The following TNFSF4 variants were observed in gnomAD, a reference collection of about 807,000 sequenced individuals.
The protein encoded by TNFSF4 is TNF superfamily member 4.
TNFSF4 carries 4 observed loss-of-function variants against 7.3 expected under a neutral mutation model. The ratio of observed to expected loss-of-function variants is 0.55; its 90% CI spans 0.27 to 1.25. The LOEUF is 1.25. TNFSF4 is among the 50% of genes most tolerant of loss of function. The probability of loss-of-function intolerance (pLI) is 0.12; values close to 1 mark genes in which losing one functional copy is unlikely to be tolerated. For missense variants in TNFSF4, 181 were observed against 208.8 expected (o/e 0.87, Z 0.82); for synonymous variants, 76 against 83.7 (o/e 0.91, Z 0.50).
At chr1:173,188,637 T>G (rs1649339793) in intron 1 of TNFSF4, 68 bp from the exon 2 acceptor site, 1 of 1,342,308 alleles carries the variant, frequency 7.4e-7, no homozygotes, top group Non-Finnish European at 1.1e-6. Flanking sequence ...AAGTCATATT[T>G]AATGGAACAG....
intron 1 of TNFSF4, among the ~76,000 whole-genome samples, chr1:173,199,100 C>T (rs568276902): frequency 1.3e-5 from 2 of 152,276 alleles, no homozygotes; most frequent in South Asian, 4.1e-4. Flanking sequence ...CTTTGGTTAT[C>T]CAGTGCTTAT....
chr1:173,401,955 T>C, the TNFSF4 span, among the ~76,000 whole-genome samples: 1 of 152,192 alleles, frequency 6.6e-6, no homozygotes. Context: ...ATGTGGCCAG[T>C]GTAAAGTTTG....
the TNFSF4 span, among the ~76,000 whole-genome samples, chr1:173,351,142 CCTAT>C: frequency 9.2e-5 from 14 of 152,322 alleles, no homozygotes; most frequent in South Asian, 2.1e-3. Flanking sequence ...TCCAGCCTCA[CCTAT>C]CTCTCTCCTC....
the TNFSF4 span, among the ~76,000 whole-genome samples, chr1:173,255,171 A>G: frequency 6.6e-6 from 1 of 152,208 alleles, no homozygotes; most frequent in South Asian, 2.1e-4. Flanking sequence ...GCTTGTAACA[A>G]GGGTCAAAAA....
chr1:173,242,617 C>G, the TNFSF4 span, among the ~76,000 whole-genome samples: 1 of 152,056 alleles, frequency 6.6e-6, no homozygotes, highest in Admixed American at 6.6e-5. Context: ...GGGGATTATC[C>G]AGGTGGACCC....
the TNFSF4 span, among the ~76,000 whole-genome samples, chr1:173,223,331 T>C: frequency 6.6e-6 from 1 of 152,332 alleles, no homozygotes; most frequent in Non-Finnish European, 1.5e-5. Flanking sequence ...GGTTTCTTTC[T>C]GGTAGCAATG....
the TNFSF4 span, among the ~76,000 whole-genome samples, chr1:173,424,534 T>C: frequency 6.6e-6 from 1 of 152,188 alleles, no homozygotes; most frequent in African/African-American, 2.4e-5. Flanking sequence ...AGAGAAACTG[T>C]CTGTTCCCTT....
intron 1 of TNFSF4, among the ~76,000 whole-genome samples, chr1:173,202,694 C>G (rs1649996049): frequency 6.6e-6 from 1 of 152,136 alleles, no homozygotes. Flanking sequence ...GAAGCGTGTT[C>G]CTTTAGCATG....
chr1:173,230,947 T>A, the TNFSF4 span, among the ~76,000 whole-genome samples: 1 of 152,198 alleles, frequency 6.6e-6, no homozygotes, highest in African/African-American at 2.4e-5. Flanking sequence ...ATTGAGGCAA[T>A]AATCAATAGC....
At chr1:173,291,422 G>C in the TNFSF4 span, among the ~76,000 whole-genome samples, 2 of 152,058 alleles carry the variant, frequency 1.3e-5, no homozygotes, top group African/African-American at 4.8e-5. Flanking sequence ...ACTCTATCAG[G>C]CAGAAATCAA....
the TNFSF4 span, among the ~76,000 whole-genome samples, chr1:173,311,353 TAA>T: frequency 6.6e-6 from 1 of 152,068 alleles, no homozygotes; most frequent in Non-Finnish European, 1.5e-5. Context: ...TGGGATTTGC[TAA>T]TAAGTTAAGA....
chr1:173,229,951 C>T, the TNFSF4 span, among the ~76,000 whole-genome samples: 7 of 152,034 alleles, frequency 4.6e-5, no homozygotes, highest in South Asian at 2.1e-4. Flanking sequence ...TAGAGACCTA[C>T]AAAGAGACTT....
At chr1:173,240,902 G>T in the TNFSF4 span, among the ~76,000 whole-genome samples, 1 of 152,248 alleles carries the variant, frequency 6.6e-6, no homozygotes, top group East Asian at 1.9e-4. Flanking sequence ...ATTTTGAACA[G>T]CATTTCCTTG....
At chr1:173,327,943 T>C in the TNFSF4 span, among the ~76,000 whole-genome samples, 1 of 152,186 alleles carries the variant, frequency 6.6e-6, no homozygotes, top group Non-Finnish European at 1.5e-5. Flanking sequence ...GAAGTCAGTG[T>C]GGCGATTCCT....
the TNFSF4 span, among the ~76,000 whole-genome samples, chr1:173,291,564 T>C: frequency 6.6e-6 from 1 of 152,028 alleles, no homozygotes; most frequent in East Asian, 1.9e-4. Flanking sequence ...CTCAAATTAA[T>C]AACCTAACAT....
chr1:173,222,362 C>G, the TNFSF4 span, among the ~76,000 whole-genome samples: 28 of 152,094 alleles, frequency 1.8e-4, no homozygotes, highest in African/African-American at 5.6e-4. Context: ...GGGAAAAAGT[C>G]CCAACCTTAA....
the TNFSF4 span, among the ~76,000 whole-genome samples, chr1:173,402,600 C>G: frequency 6.6e-6 from 1 of 152,210 alleles, no homozygotes; most frequent in Admixed American, 6.5e-5. Context: ...ACAAATCTCA[C>G]CTTTCCCCAG....
rs1649113348 is a variant in TNFSF4 at position 173,183,897 on chromosome 1, AT to A, written c.*2618del. On this transcript the variant is annotated 3_prime_UTR_variant, in exon 3 of 3. Transcript: ENST00000281834. ...CCAGTATACTTAAGAACAAATTATG[AT>A]TTGGATCGGGATTGGAATCCCTTAA... 1.3e-5 allele frequency: 2 copies of A among 152,236 alleles called. No homozygotes were observed. The highest frequency in any genetic ancestry group is 4.8e-5 in the African/African-American group (2 of 41,454). 9.4% of individuals were successfully genotyped at this position (152,236 alleles called of 1,614,324 possible).
intron 1 of TNFSF4, among the ~76,000 whole-genome samples, chr1:173,204,438 C>G (rs1376178217): frequency 1.3e-5 from 2 of 152,054 alleles, no homozygotes; most frequent in African/African-American, 4.8e-5. Flanking sequence ...GATGAGAAAA[C>G]AGAGGCTACT....
Sources: gnomAD v4.1 joint callset for allele counts (sites outside exome capture counted in the v4.1 genomes callset) on GRCh38, gnomAD v4.1.1 for gene constraint, MANE v1.5 for transcripts, NCBI Gene and HGNC (gene_info 2026-07-23, HGNC 2026-07-21) for gene names.